CCDC30: variants seen among roughly 807,000 people sequenced by gnomAD.
The protein encoded by CCDC30 is coiled-coil domain-containing protein 30.
Under a neutral mutation model 100.2 loss-of-function variants are expected in CCDC30, and 70 were observed. The ratio of observed to expected loss-of-function variants is 0.70; its 90% CI spans 0.58 to 0.85. The LOEUF (loss-of-function observed/expected upper bound fraction) is 0.85. Ranked by LOEUF, CCDC30 falls within the 40% of genes least tolerant of loss-of-function variation. The probability of loss-of-function intolerance (pLI) is 0.00; values close to 1 mark genes in which losing one functional copy is unlikely to be tolerated. For missense variants in CCDC30, 652 were observed against 771.2 expected (o/e 0.85, Z 1.83); for synonymous variants, 233 against 269.5 (o/e 0.86, Z 1.33).
chr1:42,536,442 A>G lies in CCDC30; in HGVS notation c.457-29854A>G, dbSNP rs772256329. The G allele has an allele frequency of 1.6e-5, 21 of 1,331,586 alleles. No individual in the cohort carries two copies. In the South Asian group the frequency reaches 2.2e-4, roughly 14 times the overall value. 82.5% of individuals were successfully genotyped at this position (1,331,586 alleles called of 1,614,324 possible). A position where few individuals can be genotyped will look rare whatever the true frequency, so the allele number is the denominator to read the frequency against. On this transcript the variant is annotated intron_variant, in intron 6 of 16. Coordinates refer to ENST00000668663, the Ensembl canonical transcript of CCDC30. Reference sequence around the variant, plus strand: ...AATTTGTAGGAAACACTGCTATTATATATAAAATTAATTATGTAAAATGCT... The same window carrying G: ...AATTTGTAGGAAACACTGCTATTATGTATAAAATTAATTATGTAAAATGCT...
intron 6 of CCDC30, among the ~76,000 whole-genome samples, chr1:42,553,511 C>T (rs1420163098): frequency 2.0e-5 from 3 of 151,840 alleles, no homozygotes; most frequent in African/African-American, 2.4e-5. Context: ...TATGAAACTA[C>T]TGGATGCAGT....
chr1:42,473,491 G>A (rs1003934968), intron 1 of CCDC30: 4 of 387,766 alleles, frequency 1.0e-5, no homozygotes, highest in African/African-American at 6.2e-5. Flanking sequence ...AAGACTCCAT[G>A]TATAGGATGT....
chr1:42,518,333 G>T (rs1460247228), intron 6 of CCDC30, among the ~76,000 whole-genome samples: 4 of 152,040 alleles, frequency 2.6e-5, no homozygotes. Context: ...ACTACTTTTT[G>T]AATTTATTAG....
chr1:42,652,147 G>A (rs1475929614), intron 15 of CCDC30, among the ~76,000 whole-genome samples: 1 of 152,190 alleles, frequency 6.6e-6, no homozygotes, highest in African/African-American at 2.4e-5. Flanking sequence ...AAAAAGGAGG[G>A]AAATTCTGTC....
chr1:42,572,691 A>G (rs923241392), intron 7 of CCDC30, among the ~76,000 whole-genome samples: 12 of 152,210 alleles, frequency 7.9e-5, no homozygotes, highest in African/African-American at 2.9e-4. Context: ...ATCTTGGCCC[A>G]CTGCAACATC....
chr1:42,646,040 A>C (rs1647853059), intron 14 of CCDC30, 95 bp from the exon 19 acceptor site: 1 of 1,461,060 alleles, frequency 6.8e-7, no homozygotes, highest in Admixed American at 2.4e-5. Flanking sequence ...ACTATAGCAC[A>C]TCAAACTCAA....
intron 6 of CCDC30, among the ~76,000 whole-genome samples, chr1:42,544,014 A>T (rs1478601598): frequency 6.6e-6 from 1 of 152,140 alleles, no homozygotes; most frequent in Non-Finnish European, 1.5e-5. Flanking sequence ...CAATACTTTG[A>T]TGGGGATCCA....
chr1:42,645,169 C>T (rs1647786862), intron 14 of CCDC30, among the ~76,000 whole-genome samples: 1 of 152,000 alleles, frequency 6.6e-6, no homozygotes, highest in Non-Finnish European at 1.5e-5. Flanking sequence ...TATCTATGGA[C>T]AGGTACTCCA....
At chr1:42,510,190 T>G (rs1372029387) in intron 6 of CCDC30, 1 of 806,248 alleles carries the variant, frequency 1.2e-6, no homozygotes, top group Admixed American at 6.2e-5. Context: ...GGAATGATGA[T>G]TCCCCTGTTT....
chr1:42,540,892 C>A (rs559814624), intron 6 of CCDC30, among the ~76,000 whole-genome samples: 2 of 152,278 alleles, frequency 1.3e-5, no homozygotes, highest in African/African-American at 4.8e-5. Context: ...CCCTCTATAG[C>A]AAGAGAATAA....
chr1:42,546,379 C>A (rs1645133179), intron 6 of CCDC30, among the ~76,000 whole-genome samples: 1 of 47,952 alleles, frequency 2.1e-5, no homozygotes. Flanking sequence ...GAGTGAAATT[C>A]TGTCTCAAAA....
At chr1:42,510,034 A>T (rs187437993) in intron 6 of CCDC30, 1 of 982,734 alleles carries the variant, frequency 1.0e-6, no homozygotes, top group Admixed American at 6.1e-5. Context: ...GGAAGGAAAA[A>T]TACCATAGAA....
At chr1:42,655,333 G>C (rs536575606), downstream of CCDC30, among the ~76,000 whole-genome samples, 1 of 152,136 alleles carries the variant, frequency 6.6e-6, no homozygotes, top group Non-Finnish European at 1.5e-5. Context: ...CCTGAGGTCA[G>C]GAGTTCGAGA....
intron 11 of CCDC30, among the ~76,000 whole-genome samples, chr1:42,624,053 A>G (rs553650465): frequency 7.7e-4 from 117 of 152,188 alleles, no homozygotes; most frequent in Non-Finnish European, 1.2e-3. Context: ...GCATATAAAA[A>G]TGCTACTGAT....
chr1:42,472,667 A>G (rs951980058), intron 1 of CCDC30, among the ~76,000 whole-genome samples: 8 of 152,158 alleles, frequency 5.3e-5, no homozygotes, highest in Non-Finnish European at 1.0e-4. Flanking sequence ...TCCATTGTAC[A>G]TAATTTTCAT....
At chr1:42,547,285 T>C (rs553661688) in intron 6 of CCDC30, among the ~76,000 whole-genome samples, 1 of 151,852 alleles carries the variant, frequency 6.6e-6, no homozygotes, top group East Asian at 1.9e-4. Context: ...TACAGGATTT[T>C]TGAGGAAGAT....
intron 4 of CCDC30, among the ~76,000 whole-genome samples, chr1:42,496,295 T>G (rs1352256222): frequency 4.6e-5 from 7 of 152,132 alleles, no homozygotes; most frequent in African/African-American, 9.7e-5. Context: ...CCTAATTGTC[T>G]TAGCTCCTTC....
At chr1:42,461,170 A>G (rs1272785898), upstream of CCDC30, among the ~76,000 whole-genome samples, 4 of 152,230 alleles carry the variant, frequency 2.6e-5, no homozygotes, top group Non-Finnish European at 4.4e-5. Context: ...GGAGTAGGGA[A>G]GGGTAGCCCC....
chr1:42,627,121 C>A (rs1321439436), intron 11 of CCDC30, among the ~76,000 whole-genome samples: 2 of 152,184 alleles, frequency 1.3e-5, no homozygotes, highest in East Asian at 3.9e-4. Context: ...GTGATATGAA[C>A]AATAAGGTCC....
Sources: gnomAD v4.1 joint callset for allele counts (sites outside exome capture counted in the v4.1 genomes callset) on GRCh38, gnomAD v4.1.1 for gene constraint, MANE v1.5 for transcripts, NCBI Gene and HGNC (gene_info 2026-07-23, HGNC 2026-07-21) for gene names.